The following RAPGEF4 variants were observed in gnomAD, a reference collection of about 807,000 sequenced individuals.
RAPGEF4 encodes RAP guanine-nucleotide-exchange factor (GEF) 4.
RAPGEF4 carries 66 observed loss-of-function variants against 147.9 expected under a neutral mutation model. The ratio of observed to expected loss-of-function variants is 0.45; its 90% CI spans 0.37 to 0.55. The LOEUF is 0.55. Among genes scored for constraint, RAPGEF4 ranks in the 20% least tolerant of loss-of-function variants. The probability of loss-of-function intolerance (pLI) is 0.00; values close to 1 mark genes in which losing one functional copy is unlikely to be tolerated. For synonymous variants in RAPGEF4, 419 were observed against 442.7 expected (o/e 0.95, Z 0.67); for missense variants, 1,071 against 1,257.3 (o/e 0.85, Z 2.24).
intron 4 of RAPGEF4, among the ~76,000 whole-genome samples, chr2:172,916,057 A>G (rs903003938): frequency 1.3e-5 from 2 of 152,178 alleles, no homozygotes; most frequent in African/African-American, 4.8e-5. Context: ...TCCAGCCCAC[A>G]CACTCCTGCC....
chr2:172,954,888 A>G (rs1688576400), intron 6 of RAPGEF4, among the ~76,000 whole-genome samples: 1 of 152,190 alleles, frequency 6.6e-6, no homozygotes, highest in South Asian at 2.1e-4. Flanking sequence ...TTTAACCCGT[A>G]GAAGTTTGGC....
intron 1 of RAPGEF4, among the ~76,000 whole-genome samples, chr2:172,749,274 C>T (rs1311710358): frequency 6.6e-6 from 1 of 152,228 alleles, no homozygotes; most frequent in Non-Finnish European, 1.5e-5. Context: ...AGGGGTTCTC[C>T]ATGAGGGCCC....
At chr2:172,793,761 C>T (rs1316099762) in intron 1 of RAPGEF4, among the ~76,000 whole-genome samples, 1 of 152,100 alleles carries the variant, frequency 6.6e-6, no homozygotes, top group East Asian at 1.9e-4. Flanking sequence ...TATCTTAATC[C>T]AGAGGTTATG....
intron 16 of RAPGEF4, among the ~76,000 whole-genome samples, chr2:172,999,898 C>T (rs1314293535): frequency 6.6e-6 from 1 of 152,194 alleles, no homozygotes; most frequent in Non-Finnish European, 1.5e-5. Flanking sequence ...GAAATGTGAG[C>T]TGAGTGGTTG....
chr2:173,021,331 G>A (rs1696064187), intron 23 of RAPGEF4, among the ~76,000 whole-genome samples: 1 of 152,216 alleles, frequency 6.6e-6, no homozygotes, highest in African/African-American at 2.4e-5. Flanking sequence ...GTATGTAGGT[G>A]AGTAGCTAGT....
chr2:172,808,889 AC>A (rs1687751670), intron 3 of RAPGEF4, among the ~76,000 whole-genome samples: 2 of 152,158 alleles, frequency 1.3e-5, no homozygotes, highest in African/African-American at 4.8e-5. Context: ...GGTAGCCTCC[AC>A]GTGGGAGTCC....
Position 172,988,767 on chromosome 2 carries a change from C to G in RAPGEF4, c.1302C>G (p.Ala434=). ...LALVNDAPRA[A]SIVLREDNCH... is the part of the protein sequence containing the mutation. ...TAGTGAATGATGCCCCACGAGCTGCCTCTATCGTCTTACGAGAAGATAACT... is the reference window on the plus strand; with the variant it reads ...TAGTGAATGATGCCCCACGAGCTGCGTCTATCGTCTTACGAGAAGATAACT... The change falls in exon 14 of 31, where the codon GCC becomes GCG. Residue 434 remains alanine (A), a synonymous_variant. Coordinates refer to ENST00000397081, the MANE Select transcript of RAPGEF4 (RefSeq NM_007023.4). 6.2e-7 allele frequency: 1 copy of G among 1,612,508 alleles called. No individual in the cohort carries two copies. Among genetic ancestry groups the G allele is most frequent in the Non-Finnish European group, 8.5e-7 (1 of 1,178,490 alleles).
chr2:172,814,215 GA>G, intron 3 of RAPGEF4, 63 bp from the exon 4 acceptor site: 1 of 1,550,658 alleles, frequency 6.4e-7, no homozygotes, highest in Non-Finnish European at 8.9e-7. Context: ...TGCAGTTAAA[GA>G]AAAGAAAACA....
chr2:172,993,109 C>G (rs969857295), intron 15 of RAPGEF4, among the ~76,000 whole-genome samples: 1 of 151,942 alleles, frequency 6.6e-6, no homozygotes, highest in Non-Finnish European at 1.5e-5. Context: ...CATTTTTTTC[C>G]CTGAAAAATC....
chr2:173,030,288 G>A (rs770560749), intron 26 of RAPGEF4, 34 bp downstream of exon 26: 2 of 1,529,044 alleles, frequency 1.3e-6, no homozygotes, highest in Non-Finnish European at 9.1e-7. Flanking sequence ...TGTGACTTTT[G>A]CCTTAGGAAT....
At chr2:172,890,604 T>C (rs1697789724) in intron 4 of RAPGEF4, among the ~76,000 whole-genome samples, 2 of 152,244 alleles carry the variant, frequency 1.3e-5, no homozygotes. Flanking sequence ...TTCTCTCCTC[T>C]GTCCAATGTG....
At chr2:172,902,074 A>G (rs1699115739) in intron 4 of RAPGEF4, among the ~76,000 whole-genome samples, 1 of 152,156 alleles carries the variant, frequency 6.6e-6, no homozygotes, top group Non-Finnish European at 1.5e-5. Flanking sequence ...GGCAAGTGGC[A>G]GAAGTACATT....
intron 1 of RAPGEF4, among the ~76,000 whole-genome samples, chr2:172,776,250 GT>G (rs1684148665): frequency 6.6e-6 from 1 of 152,138 alleles, no homozygotes; most frequent in African/African-American, 2.4e-5. Flanking sequence ...GTTCAGGGTG[GT>G]AGGCTTGATA....
intron 1 of RAPGEF4, among the ~76,000 whole-genome samples, chr2:172,760,587 G>A (rs572458771): frequency 2.0e-5 from 3 of 152,150 alleles, no homozygotes; most frequent in African/African-American, 4.8e-5. Context: ...GCATGGTGGC[G>A]GGTGCCTGTA....
In RAPGEF4 at chr2:172,988,846, C is replaced by T. The variant is rs990657353; in HGVS notation, c.1374+7C>T. 1 of 1,612,520 alleles carries T rather than the reference C, an allele frequency of 6.2e-7. No individual in the cohort carries two copies. The highest frequency in any genetic ancestry group is 8.5e-7 in the Non-Finnish European group (1 of 1,179,552). On this transcript the variant is annotated splice_region_variant and intron_variant, in intron 14 of 30. Transcript: ENST00000397081. ...TTTCAACCGGATCCTAAGGGTGAGTCCAAAGCAAAGTGTGGCTGAGAGACA... is the reference window on the plus strand; with the variant it reads ...TTTCAACCGGATCCTAAGGGTGAGTTCAAAGCAAAGTGTGGCTGAGAGACA...
chr2:172,751,361 C>T (rs554136915), intron 1 of RAPGEF4, among the ~76,000 whole-genome samples: 12 of 152,222 alleles, frequency 7.9e-5, no homozygotes, highest in South Asian at 2.1e-4. Flanking sequence ...CTTCAAAAAA[C>T]GATTTATGGG....
intron 1 of RAPGEF4, among the ~76,000 whole-genome samples, chr2:172,789,790 T>A (rs1202271959): frequency 6.6e-6 from 1 of 152,136 alleles, no homozygotes; most frequent in Non-Finnish European, 1.5e-5. Context: ...TTGCAGAATG[T>A]CCTTCATTTT....
At chr2:173,008,886 A>G (rs1475057139) in intron 17 of RAPGEF4, among the ~76,000 whole-genome samples, 3 of 152,246 alleles carry the variant, frequency 2.0e-5, no homozygotes, top group African/African-American at 7.2e-5. Context: ...CAGAGCCGGC[A>G]TGAGGAAAAT....
intron 1 of RAPGEF4, among the ~76,000 whole-genome samples, chr2:172,764,614 T>G (rs1696658047): frequency 6.6e-6 from 1 of 152,212 alleles, no homozygotes; most frequent in African/African-American, 2.4e-5. Context: ...GACTCTTCAG[T>G]TTGGATGCCC....
Sources: gnomAD v4.1 joint callset for allele counts (sites outside exome capture counted in the v4.1 genomes callset) on GRCh38, gnomAD v4.1.1 for gene constraint, MANE v1.5 for transcripts, NCBI Gene and HGNC (gene_info 2026-07-23, HGNC 2026-07-21) for gene names.